The following KBTBD11 variants were observed in gnomAD, a reference collection of about 807,000 sequenced individuals.
KBTBD11 encodes the protein kelch repeat and BTB domain containing 11, also known as kelch repeat and BTB domain-containing protein 11.
For missense variants in KBTBD11, 1,390 were observed against 1,001.8 expected (o/e 1.39, Z -5.23); for synonymous variants, 747 against 499.0 (o/e 1.50, Z -6.63).
rs548956244 is a variant in KBTBD11, at chr8:1,991,813, C to T, written c.-908-8472C>T. 8.9e-4 allele frequency among the ~76,000 whole-genome samples: 135 copies of T among 152,110 alleles called. 1 individual carries two copies. The highest frequency in any genetic ancestry group is 7.5e-3 in the South Asian group (36 of 4,808). ...GAGATCACTGAATGGAGCAAATTGC[C>T]TGGGCTCTTGGTGGGAGTAAGTTAC... On this transcript the variant is annotated intron_variant, in intron 1 of 1. Transcript: ENST00000320248.
At chr8:1,996,980 A>G (rs1817164167) in intron 1 of KBTBD11, among the ~76,000 whole-genome samples, 1 of 152,100 alleles carries the variant, frequency 6.6e-6, no homozygotes, top group Admixed American at 6.6e-5. Flanking sequence ...ACCAGCAAGG[A>G]GGAAACTGGT....
intron 1 of KBTBD11, among the ~76,000 whole-genome samples, chr8:1,989,635 A>C (rs1816834159): frequency 6.6e-6 from 1 of 152,218 alleles, no homozygotes; most frequent in Admixed American, 6.5e-5. Context: ...TCTATGCAAC[A>C]AGTTTCACAG....
At chr8:1,989,548 C>T (rs1020576415) in intron 1 of KBTBD11, among the ~76,000 whole-genome samples, 3 of 152,178 alleles carry the variant, frequency 2.0e-5, no homozygotes, top group African/African-American at 4.8e-5. Flanking sequence ...AGTCACTAAG[C>T]TCCATACCGC....
intron 1 of KBTBD11, among the ~76,000 whole-genome samples, chr8:1,981,994 C>T (rs767909814): frequency 6.6e-5 from 10 of 152,194 alleles, no homozygotes; most frequent in East Asian, 1.9e-4. Context: ...TCTCATCTAC[C>T]GGTCTATCTA....
At chr8:1,984,524 C>T (rs1052186626) in intron 1 of KBTBD11, among the ~76,000 whole-genome samples, 1 of 151,932 alleles carries the variant, frequency 6.6e-6, no homozygotes, top group South Asian at 2.1e-4. Flanking sequence ...CCTGACCTTG[C>T]GATCCCCCCG....
intron 1 of KBTBD11, among the ~76,000 whole-genome samples, chr8:1,984,203 C>T (rs372472462): frequency 7.9e-5 from 12 of 151,038 alleles, no homozygotes; most frequent in South Asian, 4.2e-4. Context: ...TTTGGGAGGC[C>T]GAGGTGGGAG....
chr8:1,987,906 C>T (rs181855597), intron 1 of KBTBD11, among the ~76,000 whole-genome samples: 7 of 152,164 alleles, frequency 4.6e-5, no homozygotes, highest in African/African-American at 1.2e-4. Flanking sequence ...CGACGGGCCC[C>T]GGTGTGTGAT....
At position 2,006,224 on chromosome 8, in the gene KBTBD11, A is replaced by C. The variant is rs1319615477; in HGVS notation, c.*3160A>C. On this transcript the variant is annotated 3_prime_UTR_variant, in exon 2 of 2. Transcript: ENST00000320248. ...TCAGTAATTCTGGTAGCAGCCGTTG[A>C]ATCTGTCAGTCTCTTAGGTAACTTC... 1.2e-5 allele frequency: 2 copies of C among 167,098 alleles called. No individual in the cohort carries two copies. Among genetic ancestry groups the C allele is most frequent in the African/African-American group, 4.8e-5 (2 of 41,456 alleles). The allele number at this position is 167,098 out of a possible 1,614,324, so 10.4% of individuals were successfully genotyped here. A position where few individuals can be genotyped will look rare whatever the true frequency, so the allele number is the denominator to read the frequency against.
At chr8:1,993,386 CGT>C (rs1816993364) in intron 1 of KBTBD11, among the ~76,000 whole-genome samples, 3 of 112,610 alleles carry the variant, frequency 2.7e-5, no homozygotes, top group African/African-American at 8.7e-5. Context: ...TCCGTCCGTC[CGT>C]CCGTCCATCC....
At chr8:1,991,283 C>G (rs527287735) in intron 1 of KBTBD11, among the ~76,000 whole-genome samples, 35 of 152,346 alleles carry the variant, frequency 2.3e-4, no homozygotes, top group Middle Eastern at 6.8e-3. Flanking sequence ...GCGTTGAACT[C>G]CAGGACTGCC....
intron 1 of KBTBD11, among the ~76,000 whole-genome samples, chr8:1,994,848 C>T (rs910754503): frequency 6.6e-6 from 1 of 152,132 alleles, no homozygotes; most frequent in African/African-American, 2.4e-5. Context: ...CACTTGAGGT[C>T]AGGAATTCGA....
Position 1,993,528 on chromosome 8 carries a change from TCCACCCACCCACCCAC to T in KBTBD11, c.-908-6741_-908-6726del, listed in dbSNP as rs139108361. On this transcript the variant is annotated intron_variant, in intron 1 of 1. Transcript: ENST00000320248. The stretch of plus-strand genomic sequence containing the variant: ...ATCCATCCATCCATCCACCCATCCA[TCCACCCACCCACCCAC>T]CCACCCACCCACCCATCCATCCATC... 1.4e-3 allele frequency among the ~76,000 whole-genome samples: 57 copies of T among 41,898 alleles called. 1 individual carries two copies. The South Asian group carries it at 0.014, about 10-fold the overall frequency. The allele number at this position is 41,898 out of a possible 152,430, so 27.5% of individuals were successfully genotyped here.
chr8:1,997,641 C>T (rs545675797), intron 1 of KBTBD11, among the ~76,000 whole-genome samples: 1 of 152,384 alleles, frequency 6.6e-6, no homozygotes, highest in East Asian at 1.9e-4. Flanking sequence ...GCTGCTGCTA[C>T]TCAACAGCGT....
In KBTBD11 at chr8:1,988,742, C is replaced by G. The variant is rs376306840; in HGVS notation, c.-908-11543C>G. 2.6e-5 allele frequency among the ~76,000 whole-genome samples: 4 copies of G among 152,308 alleles called. No individual in the cohort carries two copies. The East Asian group carries it at 5.8e-4, about 22-fold the overall frequency. On this transcript the variant is annotated intron_variant, in intron 1 of 1. Transcript: ENST00000320248. The stretch of plus-strand genomic sequence containing the variant: ...GCACTGAGGCTTGAGCCCCATGGGG[C>G]TGGGACCAAGTCTGTCTCATTCCTT...
rs993784071 is a variant in KBTBD11 at position 2,003,299 on chromosome 8, C to G, written c.*235C>G. The G allele has an allele frequency of 1.2e-5, 6 of 504,394 alleles. No individual in the cohort carries two copies. The East Asian group carries it at 2.3e-4, about 20-fold the overall frequency. The allele number at this position is 504,394 out of a possible 1,614,324, so 31.2% of individuals were successfully genotyped here. ...ACCCAGGAGGTGTGCGGATGGGTCC[C>G]TTGACAGACAGGACACAGAGAAGGC... On this transcript the variant is annotated 3_prime_UTR_variant, in exon 2 of 2. Transcript: ENST00000320248.
At chr8:1,997,356 C>G (rs550465773) in intron 1 of KBTBD11, among the ~76,000 whole-genome samples, 1 of 152,014 alleles carries the variant, frequency 6.6e-6, no homozygotes, top group East Asian at 1.9e-4. Context: ...AGGCCAACTC[C>G]TCTCCATCTA....
At chr8:1,991,628 G>A (rs944028097) in intron 1 of KBTBD11, among the ~76,000 whole-genome samples, 1 of 152,126 alleles carries the variant, frequency 6.6e-6, no homozygotes, top group Non-Finnish European at 1.5e-5. Flanking sequence ...CCCACACCAG[G>A]TCAGAAGAGC....
intron 1 of KBTBD11, among the ~76,000 whole-genome samples, chr8:1,992,614 A>C (rs1289220269): frequency 6.6e-6 from 1 of 152,068 alleles, no homozygotes; most frequent in African/African-American, 2.4e-5. Context: ...GTAAAAAAAA[A>C]AATTCATCCC....
In KBTBD11 at chr8:2,002,425, C is replaced by T. The variant is rs1485140266; in HGVS notation, c.1233C>T (p.Asp411=). 2.7e-6 allele frequency: 4 copies of T among 1,494,174 alleles called. No individual in the cohort carries two copies. Among genetic ancestry groups the T allele is most frequent in the South Asian group, 2.5e-5 (2 of 80,282 alleles). 92.6% of individuals were successfully genotyped at this position (1,494,174 alleles called of 1,614,324 possible). Residue 411 remains aspartate, a synonymous_variant, in exon 2 of 2, where the codon GAC becomes GAT. Transcript: ENST00000320248. The surrounding 1 kb of genome is among the most constrained non-coding windows in gnomAD (Gnocchi z 4.1). ...ARSQLRLLAL[D]GHLYAVGGEC... ...CGCAGCTGCGGCTGCTGGCCCTGGA[C>T]GGTCACCTCTACGCCGTGGGCGGCG...
Sources: allele counts gnomAD v4.1 joint callset (sites outside exome capture counted in the v4.1 genomes callset), GRCh38; gene constraint gnomAD v4.1.1; non-coding constraint Gnocchi (gnomAD v3.1); transcripts MANE v1.5; gene names NCBI Gene and HGNC (gene_info 2026-07-23, HGNC 2026-07-21).